Variants in HS1BP3 observed in about 807,000 individuals in gnomAD.
HS1BP3 encodes the protein HCLS1-binding protein 3.
In HS1BP3, 32 loss-of-function variants were observed where a neutral mutation model predicts 33.5. The ratio of observed to expected loss-of-function variants is 0.95; its 90% CI spans 0.72 to 1.28. The LOEUF (loss-of-function observed/expected upper bound fraction) is 1.28, where lower values mean the gene tolerates loss of function less well. HS1BP3 is among the 50% of genes most tolerant of loss of function. The pLI is 0.00. For synonymous variants in HS1BP3, 187 were observed against 209.2 expected, an observed-to-expected ratio of 0.89 and a Z score of 0.92; for missense variants, 486 against 502.3, an observed-to-expected ratio of 0.97 and a Z score of 0.31.
intron 2 of HS1BP3, among the ~76,000 whole-genome samples, chr2:20,612,599 A>G (rs1694338770): frequency 6.6e-6 from 1 of 152,196 alleles, no homozygotes; most frequent in African/African-American, 2.4e-5. Flanking sequence ...CTGTCACTTA[A>G]CATGATGTAT....
chr2:20,622,302 G>A lies in HS1BP3; in HGVS notation c.920+1594C>T, dbSNP rs10192211. 2.4e-3 allele frequency: 3,133 copies of A among 1,304,564 alleles called. 68 individuals are homozygous for A. In the African/African-American group the frequency reaches 0.043, roughly 18 times the overall value. 80.8% of individuals were successfully genotyped at this position (1,304,564 alleles called of 1,614,324 possible). ...CTCAAGAAGCTAATCCCAGTGTTAC[G>A]GCTCTTTTTGAATTTGTCTGAATTT... On this transcript the variant is annotated intron_variant, in intron 6 of 6. Transcript: ENST00000304031.
chr2:20,598,355 C>G, intron 2 of HS1BP3: 1 of 250,232 alleles, frequency 4.0e-6, no homozygotes, highest in Non-Finnish European at 8.8e-6. Flanking sequence ...AGCAAGGGCT[C>G]GCATGCACAA....
downstream of HS1BP3, among the ~76,000 whole-genome samples, chr2:20,590,439 G>T (rs1284301863): frequency 2.0e-5 from 3 of 152,190 alleles, no homozygotes; most frequent in African/African-American, 7.2e-5. Flanking sequence ...GTAGAAGGAT[G>T]ATGGGACCCG....
intron 5 of HS1BP3, among the ~76,000 whole-genome samples, chr2:20,573,192 C>T (rs1378190710): frequency 6.6e-6 from 1 of 152,118 alleles, no homozygotes; most frequent in Non-Finnish European, 1.5e-5. Flanking sequence ...TGGGATGAGA[C>T]TTTTCTGGAT....
At chr2:20,649,295 G>C (rs1352248477) in intron 1 of HS1BP3, among the ~76,000 whole-genome samples, 1 of 152,212 alleles carries the variant, frequency 6.6e-6, no homozygotes, top group African/African-American at 2.4e-5. Context: ...GGCTCCTGCT[G>C]TCCTGTCCTC....
intron 5 of HS1BP3, among the ~76,000 whole-genome samples, chr2:20,587,610 T>C (rs111375292): frequency 1.3e-5 from 2 of 152,020 alleles, no homozygotes; most frequent in African/African-American, 2.4e-5. Flanking sequence ...TCAGAGACCA[T>C]GGATTAAGAA....
At chr2:20,579,026 G>A (rs980260097) in intron 5 of HS1BP3, among the ~76,000 whole-genome samples, 4 of 152,246 alleles carry the variant, frequency 2.6e-5, no homozygotes, top group Non-Finnish European at 5.9e-5. Context: ...AGCCAGGTTT[G>A]GTGGCCACTG....
intron 6 of HS1BP3, among the ~76,000 whole-genome samples, chr2:20,620,495 T>G (rs187218005): frequency 1.3e-5 from 2 of 152,170 alleles, no homozygotes; most frequent in Admixed American, 6.5e-5. Context: ...AGCACCCACT[T>G]GGTCTCTACA....
At chr2:20,555,866 C>A (rs564346262), downstream of HS1BP3, among the ~76,000 whole-genome samples, 12 of 152,252 alleles carry the variant, frequency 7.9e-5, no homozygotes, top group South Asian at 2.1e-3. Flanking sequence ...AATGGAATCC[C>A]AATTCTCACT....
chr2:20,582,165 G>C (rs1377354), intron 5 of HS1BP3, among the ~76,000 whole-genome samples: 1 of 152,182 alleles, frequency 6.6e-6, no homozygotes, highest in Non-Finnish European at 1.5e-5. Context: ...TGCAGGGTGT[G>C]ACCACCACAC....
intron 5 of HS1BP3, among the ~76,000 whole-genome samples, chr2:20,562,057 C>T (rs914302194): frequency 6.6e-6 from 1 of 152,194 alleles, no homozygotes; most frequent in African/African-American, 2.4e-5. Context: ...TTGCTAACCA[C>T]GTGGAGGTGC....
At chr2:20,622,459 G>A (rs879806669) in intron 6 of HS1BP3, 3 of 459,874 alleles carry the variant, frequency 6.5e-6, no homozygotes, top group East Asian at 7.1e-5. Context: ...ACCACAGAGT[G>A]GGGGGCCCAG....
chr2:20,624,580 G>T, intron 5 of HS1BP3, 152 bp downstream of exon 5: 1 of 722,832 alleles, frequency 1.4e-6, no homozygotes, highest in Non-Finnish European at 2.2e-6. Context: ...GCCCACAGAT[G>T]TCATGGAAGC....
intron 2 of HS1BP3, among the ~76,000 whole-genome samples, chr2:20,641,498 G>A (rs897633339): frequency 6.6e-6 from 1 of 152,210 alleles, no homozygotes; most frequent in East Asian, 1.9e-4. Flanking sequence ...GGGCCACTGT[G>A]TTCATTCCCA....
intron 2 of HS1BP3, among the ~76,000 whole-genome samples, chr2:20,606,010 A>G (rs1694169008): frequency 6.6e-6 from 1 of 152,142 alleles, no homozygotes; most frequent in Non-Finnish European, 1.5e-5. Context: ...TTACTTCTTG[A>G]GGAACCACCA....
In HS1BP3 at chr2:20,636,727, G is replaced by GTACC. The variant is rs1378606338; in HGVS notation, c.623+1705_623+1708dup. The stretch of plus-strand genomic sequence containing the variant: ...ATACATGTGTGTCCTGGGTCATGGC[G>GTACC]TACCATATAGTTTTTACTATGGGTT... On this transcript the variant is annotated intron_variant, in intron 4 of 6. Transcript: ENST00000304031. 10 of 152,334 alleles carry GTACC rather than the reference G, an allele frequency of 6.6e-5. No homozygotes were observed. In the East Asian group the frequency reaches 1.9e-3, roughly 29 times the overall value. 9.4% of individuals were successfully genotyped at this position (152,334 alleles called of 1,614,324 possible).
intron 5 of HS1BP3, among the ~76,000 whole-genome samples, chr2:20,562,857 G>C (rs530914461): frequency 9.9e-5 from 15 of 152,258 alleles, no homozygotes; most frequent in South Asian, 2.1e-4. Flanking sequence ...CTGTGTATGA[G>C]AGAAAGAAAA....
intron 5 of HS1BP3, among the ~76,000 whole-genome samples, chr2:20,568,240 C>T (rs1294140772): frequency 6.6e-6 from 1 of 152,138 alleles, no homozygotes; most frequent in Non-Finnish European, 1.5e-5. Context: ...GCTGCAGTCT[C>T]ACACGTGGTC....
intron 5 of HS1BP3, among the ~76,000 whole-genome samples, chr2:20,567,278 C>A (rs1209847308): frequency 6.6e-6 from 1 of 152,202 alleles, no homozygotes; most frequent in African/African-American, 2.4e-5. Context: ...ACTGGTCAAG[C>A]CACATTCCCT....
Sources: gnomAD v4.1 joint callset for allele counts (sites outside exome capture counted in the v4.1 genomes callset) on GRCh38, gnomAD v4.1.1 for gene constraint, MANE v1.5 for transcripts, NCBI Gene and HGNC (gene_info 2026-07-23, HGNC 2026-07-21) for gene names.